The following LYPD6B variants were observed in gnomAD, a reference collection of about 807,000 sequenced individuals.
The protein encoded by LYPD6B is LY6/PLAUR domain containing 6B, also known as ly6/PLAUR domain-containing protein 6B.
A neutral mutation model predicts 22.8 loss-of-function variants in LYPD6B; 17 were observed. That is an observed-to-expected ratio of 0.75 (90% CI 0.51 to 1.12). The LOEUF (loss-of-function observed/expected upper bound fraction) is 1.12. Among genes scored for constraint, LYPD6B ranks in the 50% most tolerant of loss-of-function variants. The pLI is 0.00. For synonymous variants in LYPD6B, 106 were observed against 91.6 expected (o/e 1.16, Z -0.90); for missense variants, 221 against 258.3 (o/e 0.86, Z 0.99).
intron 1 of LYPD6B, among the ~76,000 whole-genome samples, chr2:149,088,360 C>A (rs1024033991): frequency 6.6e-6 from 1 of 152,202 alleles, no homozygotes; most frequent in Non-Finnish European, 1.5e-5. Flanking sequence ...GTTAGGCTGG[C>A]AGGGGGAGGA....
At chr2:149,208,988 A>G (rs1693675311) in intron 5 of LYPD6B, among the ~76,000 whole-genome samples, 1 of 152,046 alleles carries the variant, frequency 6.6e-6, no homozygotes, top group African/African-American at 2.4e-5. Context: ...TGGGAAGAAC[A>G]TACTGGAAAG....
rs917919049 is a variant in LYPD6B at position 149,154,216 on chromosome 2, A to C, written c.6-6548A>C. 2.1e-5 allele frequency among the ~76,000 whole-genome samples: 3 copies of C among 144,968 alleles called. No homozygotes were observed. In the East Asian group the frequency reaches 6.3e-4, roughly 30 times the overall value. Reference sequence around the variant, plus strand: ...TGAGCTCATCCTGGATTGAATGTGGACTCTAGGTCCAATGACTGTTATCCT... The same window carrying C: ...TGAGCTCATCCTGGATTGAATGTGGCCTCTAGGTCCAATGACTGTTATCCT... On this transcript the variant is annotated intron_variant, in intron 2 of 6. Transcript: ENST00000409642.
intron 1 of LYPD6B, among the ~76,000 whole-genome samples, chr2:149,104,940 C>G (rs1035857008): frequency 1.3e-5 from 2 of 152,070 alleles, no homozygotes; most frequent in African/African-American, 4.8e-5. Flanking sequence ...CATAATTATG[C>G]ATATTTATGG....
At chr2:149,185,383 C>G (rs573256629) in intron 3 of LYPD6B, among the ~76,000 whole-genome samples, 27 of 152,150 alleles carry the variant, frequency 1.8e-4, no homozygotes, top group Non-Finnish European at 3.8e-4. Context: ...GGAACCTATC[C>G]CTGATTAGAG....
chr2:149,140,332 A>ACATC (rs1688613725), intron 2 of LYPD6B, among the ~76,000 whole-genome samples: 1 of 152,204 alleles, frequency 6.6e-6, no homozygotes, highest in Non-Finnish European at 1.5e-5. Context: ...TTAAAGAACC[A>ACATC]AAGTGTGGGG....
intron 1 of LYPD6B, among the ~76,000 whole-genome samples, chr2:149,130,327 T>A (rs1687947946): frequency 6.6e-6 from 1 of 152,144 alleles, no homozygotes; most frequent in South Asian, 2.1e-4. Flanking sequence ...AGAAGAGAAG[T>A]CGCTAGTTTA....
chr2:149,064,196 T>C (rs963843821), intron 1 of LYPD6B, among the ~76,000 whole-genome samples: 4 of 152,230 alleles, frequency 2.6e-5, no homozygotes, highest in African/African-American at 9.6e-5. Flanking sequence ...AGCCCTATTT[T>C]GCTTATGTTT....
chr2:149,073,357 G>A (rs1326255400), intron 1 of LYPD6B, among the ~76,000 whole-genome samples: 1 of 152,224 alleles, frequency 6.6e-6, no homozygotes, highest in African/African-American at 2.4e-5. Context: ...GAGAAGGCAT[G>A]TGCCCTGAAT....
chr2:149,134,209 T>G (rs187651602), intron 2 of LYPD6B, among the ~76,000 whole-genome samples: 1 of 152,268 alleles, frequency 6.6e-6, no homozygotes, highest in East Asian at 1.9e-4. Flanking sequence ...TGGAGTCAGC[T>G]TATCCCTATG....
At chr2:149,144,806 C>A (rs1688914702) in intron 2 of LYPD6B, among the ~76,000 whole-genome samples, 1 of 152,200 alleles carries the variant, frequency 6.6e-6, no homozygotes, top group Non-Finnish European at 1.5e-5. Context: ...ACTATAGGAA[C>A]AAACATTTAA....
chr2:149,208,411 A>T lies in LYPD6B; in HGVS notation c.327A>T (p.Gln109His). Residue 109 changes from glutamine to histidine, a missense_variant and splice_region_variant, in exon 5 of 7, where the codon CAA (glutamine) becomes CAT (histidine). Coordinates refer to ENST00000409642, the MANE Select transcript of LYPD6B (RefSeq NM_177964.5). ...GGGCAGAAGACAAATGGTGTCCACA[A>T]AGTAAGTGTGCTGAGTTTGGAAGAC... is the stretch of plus-strand genomic sequence containing the variant. ...NRWAEDKWCP[Q>H]NTQYCLTVHH... 1 of 1,610,490 alleles carries T rather than the reference A, an allele frequency of 6.2e-7. No individual in the cohort carries two copies. The highest frequency in any genetic ancestry group is 8.5e-7 in the Non-Finnish European group (1 of 1,176,764).
chr2:149,160,873 C>A, intron 3 of LYPD6B, 38 bp downstream of exon 3: 2 of 1,420,338 alleles, frequency 1.4e-6, no homozygotes, highest in Non-Finnish European at 1.9e-6. Flanking sequence ...CTCGGCTTTT[C>A]ATTTGGGAGC....
At chr2:149,169,990 A>G (rs1479275276) in intron 3 of LYPD6B, among the ~76,000 whole-genome samples, 1 of 152,214 alleles carries the variant, frequency 6.6e-6, no homozygotes, top group Non-Finnish European at 1.5e-5. Flanking sequence ...CTGTTTAGTA[A>G]TATGAATTAT....
At chr2:149,214,323 TCA>T (rs1408107067) in intron 6 of LYPD6B, among the ~76,000 whole-genome samples, 3 of 152,082 alleles carry the variant, frequency 2.0e-5, no homozygotes, top group African/African-American at 7.2e-5. Context: ...TGCAGATAAA[TCA>T]CAGTTAGGAT....
intron 1 of LYPD6B, among the ~76,000 whole-genome samples, chr2:149,067,987 G>GTCC (rs1684420951): frequency 6.6e-6 from 1 of 152,178 alleles, no homozygotes; most frequent in Non-Finnish European, 1.5e-5. Context: ...TCAACAGAAA[G>GTCC]TCCTGTTTTT....
At chr2:149,058,913 C>G (rs1041671716) in intron 1 of LYPD6B, among the ~76,000 whole-genome samples, 12 of 152,236 alleles carry the variant, frequency 7.9e-5, no homozygotes, top group Non-Finnish European at 1.8e-4. Context: ...AGCCACAGCG[C>G]CCAGCCAGTC....
intron 3 of LYPD6B, among the ~76,000 whole-genome samples, chr2:149,164,572 G>T (rs1384960118): frequency 6.6e-6 from 1 of 152,140 alleles, no homozygotes; most frequent in Non-Finnish European, 1.5e-5. Context: ...GGCATTTCTG[G>T]CTTTGTATTC....
At chr2:149,083,118 G>C (rs185304588) in intron 1 of LYPD6B, among the ~76,000 whole-genome samples, 39 of 147,414 alleles carry the variant, frequency 2.6e-4, no homozygotes, top group Non-Finnish European at 2.8e-4. Context: ...AATGTCACAG[G>C]GGGGCATACC....
intron 2 of LYPD6B, chr2:149,142,167 T>A (rs1688734249): frequency 6.6e-6 from 1 of 152,190 alleles, no homozygotes; most frequent in Admixed American, 6.5e-5. Flanking sequence ...TAAATTCGAA[T>A]CTTGGTTGGC....
Sources: allele counts gnomAD v4.1 joint callset (sites outside exome capture counted in the v4.1 genomes callset), GRCh38; gene constraint gnomAD v4.1.1; transcripts MANE v1.5; gene names NCBI Gene and HGNC (gene_info 2026-07-23, HGNC 2026-07-21).